ITGAV: variants seen among roughly 807,000 people sequenced by gnomAD.
ITGAV encodes integrin subunit alpha V.
ITGAV carries 76 observed loss-of-function variants against 143.8 expected under a neutral mutation model. That is an observed-to-expected ratio of 0.53 (90% CI 0.44 to 0.64). The LOEUF is 0.64. Ranked by LOEUF, ITGAV falls within the 30% of genes least tolerant of loss-of-function variation. The pLI is 0.00. For synonymous variants in ITGAV, 453 were observed against 446.7 expected (o/e 1.01, Z -0.18); for missense variants, 1,193 against 1,274.7 (o/e 0.94, Z 0.98).
chr2:186,658,450 A>G (rs1435037175), intron 17 of ITGAV, among the ~76,000 whole-genome samples: 26 of 152,202 alleles, frequency 1.7e-4, no homozygotes, highest in Admixed American at 1.7e-3. Flanking sequence ...CAGAACTGAC[A>G]AATATACTTG....
intron 12 of ITGAV, among the ~76,000 whole-genome samples, chr2:186,642,402 T>C (rs1688130885): frequency 6.6e-6 from 1 of 152,120 alleles, no homozygotes; most frequent in Non-Finnish European, 1.5e-5. Context: ...TCTCAAACAG[T>C]AGTGGAAAGG....
chr2:186,644,614 G>A (rs1688201459), intron 12 of ITGAV, among the ~76,000 whole-genome samples: 2 of 152,260 alleles, frequency 1.3e-5, no homozygotes, highest in South Asian at 2.1e-4. Flanking sequence ...GTGAGCCACC[G>A]TGCCCAGCCG....
At chr2:186,668,980 C>T in intron 25 of ITGAV, 60 bp downstream of exon 25, 1 of 1,380,286 alleles carries the variant, frequency 7.2e-7, no homozygotes, top group Non-Finnish European at 9.9e-7. Flanking sequence ...CTTTCTAAAC[C>T]TGTAAAAGAA....
chr2:186,634,518 GGAT>G (rs1228349700), intron 6 of ITGAV, among the ~76,000 whole-genome samples: 1 of 152,018 alleles, frequency 6.6e-6, no homozygotes, highest in Non-Finnish European at 1.5e-5. Flanking sequence ...ATTTGCTGGA[GGAT>G]GACAGGATGG....
intron 4 of ITGAV, 144 bp downstream of exon 4, chr2:186,625,731 A>G: frequency 2.1e-6 from 1 of 465,320 alleles, no homozygotes; most frequent in Non-Finnish European, 3.8e-6. Flanking sequence ...AACAAAATGA[A>G]AACAATCCTA....
intron 1 of ITGAV, among the ~76,000 whole-genome samples, chr2:186,594,053 C>G (rs1686683968): frequency 6.6e-6 from 1 of 151,900 alleles, no homozygotes; most frequent in South Asian, 2.1e-4. Flanking sequence ...ATGTGTATGC[C>G]TTAGAAGCAG....
chr2:186,625,658 TGTGG>T (rs1431165889), intron 4 of ITGAV, 71 bp downstream of exon 4: 27 of 631,212 alleles, frequency 4.3e-5, no homozygotes, highest in African/African-American at 3.6e-4. Context: ...AATATGTGTG[TGTGG>T]GTGTGTGTGT....
intron 2 of ITGAV, among the ~76,000 whole-genome samples, chr2:186,611,175 C>T (rs1049009328): frequency 6.6e-6 from 1 of 152,102 alleles, no homozygotes; most frequent in Non-Finnish European, 1.5e-5. Flanking sequence ...CCTACTGCCC[C>T]CCGACCCTTG....
At chr2:186,611,923 G>T (rs1687227767) in intron 2 of ITGAV, among the ~76,000 whole-genome samples, 1 of 152,108 alleles carries the variant, frequency 6.6e-6, no homozygotes, top group Admixed American at 6.5e-5. Flanking sequence ...TTTAAAAAAG[G>T]TAATGTCTAT....
chr2:186,678,594 C>A lies in ITGAV; in HGVS notation c.*1302C>A. On this transcript the variant is annotated 3_prime_UTR_variant, in exon 30 of 30. Transcript: ENST00000261023. ...AAGTTCGTTAGTATAAATTACTTTT[C>A]TAGGATTATTAATAAAAGCCACATA... is the stretch of plus-strand genomic sequence containing the variant. 3.1e-6 allele frequency: 1 copy of A among 327,162 alleles called. No individual in the cohort carries two copies. The highest frequency in any genetic ancestry group is 8.9e-5 in the East Asian group (1 of 11,294). 20.3% of individuals were successfully genotyped at this position (327,162 alleles called of 1,614,324 possible).
chr2:186,652,375 A>G (rs1464658465), intron 15 of ITGAV, among the ~76,000 whole-genome samples: 3 of 152,084 alleles, frequency 2.0e-5, no homozygotes, highest in Non-Finnish European at 4.4e-5. Flanking sequence ...ATTTTTTTAG[A>G]GATGGGGTCT....
intron 15 of ITGAV, 29 bp downstream of exon 15, chr2:186,652,118 T>G (rs747540765): frequency 7.9e-7 from 1 of 1,272,388 alleles, no homozygotes; most frequent in Non-Finnish European, 1.1e-6. Flanking sequence ...TAATAGTTAT[T>G]ATTGTGATTA....
chr2:186,617,769 T>C (rs1687407006), intron 2 of ITGAV, among the ~76,000 whole-genome samples: 1 of 152,206 alleles, frequency 6.6e-6, no homozygotes, highest in South Asian at 2.1e-4. Context: ...TGTGAGATAC[T>C]CTTTTTTTCT....
At chr2:186,662,912 C>A (rs900114138) in intron 18 of ITGAV, among the ~76,000 whole-genome samples, 1 of 152,094 alleles carries the variant, frequency 6.6e-6, no homozygotes, top group South Asian at 2.1e-4. Flanking sequence ...CCTTTTCTCT[C>A]TTCTTTTTGT....
chr2:186,666,821 TA>T, intron 22 of ITGAV, 38 bp downstream of exon 22: 21 of 1,103,974 alleles, frequency 1.9e-5, no homozygotes, highest in Non-Finnish European at 2.7e-5. Context: ...AACTATCAAA[TA>T]AATATTATTT....
chr2:186,633,770 G>T (rs944001060), intron 6 of ITGAV, among the ~76,000 whole-genome samples: 1 of 152,096 alleles, frequency 6.6e-6, no homozygotes, highest in Non-Finnish European at 1.5e-5. Context: ...TCTAAAAGTT[G>T]AAGGTTTTGA....
chr2:186,639,898 G>A (rs1411222079), intron 10 of ITGAV, among the ~76,000 whole-genome samples: 2 of 152,050 alleles, frequency 1.3e-5, no homozygotes, highest in Non-Finnish European at 2.9e-5. Context: ...TACATAGTCG[G>A]CACATCAACC....
At chr2:186,635,924 A>G (rs1191024376) in intron 6 of ITGAV, among the ~76,000 whole-genome samples, 158 bp from the exon 7 acceptor site, 2 of 152,198 alleles carry the variant, frequency 1.3e-5, no homozygotes, top group Non-Finnish European at 2.9e-5. Context: ...AAGAATATCC[A>G]TTTTCAAATT....
At chr2:186,615,404 A>G (rs1221267543) in intron 2 of ITGAV, among the ~76,000 whole-genome samples, 1 of 152,056 alleles carries the variant, frequency 6.6e-6, no homozygotes, top group Non-Finnish European at 1.5e-5. Flanking sequence ...TGGCTGTACC[A>G]TTTTACATTT....
Sources: allele counts gnomAD v4.1 joint callset (sites outside exome capture counted in the v4.1 genomes callset), GRCh38; gene constraint gnomAD v4.1.1; transcripts MANE v1.5; gene names NCBI Gene and HGNC (gene_info 2026-07-23, HGNC 2026-07-21).